The following RALGPS1 variants were observed in gnomAD, a reference collection of about 807,000 sequenced individuals.
RALGPS1 encodes ras-specific guanine nucleotide-releasing factor RalGPS1.
In RALGPS1, 19 loss-of-function variants were observed where a neutral mutation model predicts 78.8. The ratio of observed to expected loss-of-function variants is 0.24; its 90% CI spans 0.17 to 0.35. The LOEUF is 0.35. Among genes scored for constraint, RALGPS1 ranks in the 10% least tolerant of loss-of-function variants. The probability of loss-of-function intolerance (pLI) is 1.00; values close to 1 mark genes in which losing one functional copy is unlikely to be tolerated. For missense variants in RALGPS1, 454 were observed against 688.3 expected, an observed-to-expected ratio of 0.66 and a Z score of 3.81; for synonymous variants, 228 against 256.3, an observed-to-expected ratio of 0.89 and a Z score of 1.06.
chr9:126,929,566 C>G (rs1279608702), intron 1 of RALGPS1, among the ~76,000 whole-genome samples: 1 of 152,046 alleles, frequency 6.6e-6, no homozygotes, highest in Non-Finnish European at 1.5e-5. Context: ...ATTTTCCTGC[C>G]TCAGCCTCCC....
At chr9:127,105,641 C>T (rs2054146224) in intron 8 of RALGPS1, among the ~76,000 whole-genome samples, 4 of 152,226 alleles carry the variant, frequency 2.6e-5, no homozygotes, top group African/African-American at 9.7e-5. Context: ...AGTGATCAGA[C>T]AGCCCAGTTT....
At chr9:127,014,744 G>C (rs2044662570) in intron 4 of RALGPS1, among the ~76,000 whole-genome samples, 1 of 152,036 alleles carries the variant, frequency 6.6e-6, no homozygotes, top group Non-Finnish European at 1.5e-5. Flanking sequence ...GCATCCTCTA[G>C]GCCCATCATT....
chr9:127,173,847 T>G (rs948030106), intron 10 of RALGPS1, among the ~76,000 whole-genome samples: 1 of 152,104 alleles, frequency 6.6e-6, no homozygotes, highest in Admixed American at 6.5e-5. Flanking sequence ...ACCCCACCTC[T>G]ACTAAAAATA....
intron 10 of RALGPS1, among the ~76,000 whole-genome samples, chr9:127,174,230 AAGAC>A (rs1564718659): frequency 2.0e-5 from 3 of 151,792 alleles, no homozygotes; most frequent in Non-Finnish European, 2.9e-5. Flanking sequence ...GAAAGAAAGA[AAGAC>A]AGAGAGAGAG....
At position 126,995,227 on chromosome 9, in the gene RALGPS1, CA is replaced by C. The variant is rs1240267330; in HGVS notation, c.216+17483del. ...GGCTAAATGCTCCAATTAAAAGACA[CA>C]GACTGGCAAATTGGATAAAGAGTCA... On this transcript the variant is annotated intron_variant, in intron 4 of 18. Transcript: ENST00000259351. 2.6e-5 allele frequency among the ~76,000 whole-genome samples: 4 copies of C among 152,138 alleles called. No homozygotes were observed. The South Asian group carries it at 6.2e-4, about 24-fold the overall frequency.
chr9:127,198,868 A>T, intron 13 of RALGPS1, 147 bp from the exon 14 acceptor site: 1 of 738,276 alleles, frequency 1.4e-6, no homozygotes, highest in Non-Finnish European at 2.4e-6. Flanking sequence ...CTCACAGCAA[A>T]AACTCGAGTA....
At chr9:127,130,716 G>A (rs1021538503) in intron 8 of RALGPS1, among the ~76,000 whole-genome samples, 5 of 152,188 alleles carry the variant, frequency 3.3e-5, no homozygotes, top group Admixed American at 6.5e-5. Context: ...TATGAGCTAC[G>A]GTAGATTCTT....
chr9:127,087,056 C>T (rs1183837665), intron 8 of RALGPS1, among the ~76,000 whole-genome samples: 3 of 152,172 alleles, frequency 2.0e-5, no homozygotes, highest in Non-Finnish European at 4.4e-5. Context: ...AAAGGTACGT[C>T]AGGTGTTAAG....
At chr9:127,178,308 C>T (rs1358059319) in intron 11 of RALGPS1, 1 of 372,836 alleles carries the variant, frequency 2.7e-6, no homozygotes, top group South Asian at 3.4e-5. Flanking sequence ...CTCCCCCGAA[C>T]AGAAGTGGCA....
rs936739088 is a variant in RALGPS1, at chr9:127,072,819, C to G, written c.610+3463C>G. Reference sequence around the variant, plus strand: ...TAGAAATTTGTAACAGTTGTAGATTCATTGTGAAGTACTCCGTACAAAGTT... The same window carrying G: ...TAGAAATTTGTAACAGTTGTAGATTGATTGTGAAGTACTCCGTACAAAGTT... On this transcript the variant is annotated intron_variant, in intron 8 of 18. Transcript: ENST00000259351. 2.6e-5 allele frequency among the ~76,000 whole-genome samples: 4 copies of G among 152,264 alleles called. No individual in the cohort carries two copies. The South Asian group carries it at 8.3e-4, about 32-fold the overall frequency.
At chr9:127,014,552 G>A (rs1355663642) in intron 4 of RALGPS1, among the ~76,000 whole-genome samples, 1 of 152,122 alleles carries the variant, frequency 6.6e-6, no homozygotes, top group African/African-American at 2.4e-5. Context: ...AGACTCTTTG[G>A]CTGTGAAATG....
At chr9:127,131,466 G>A (rs545440314) in intron 8 of RALGPS1, among the ~76,000 whole-genome samples, 14 of 152,214 alleles carry the variant, frequency 9.2e-5, no homozygotes, top group Non-Finnish European at 1.5e-4. Context: ...GAGGCCTCCT[G>A]TGTGGATTAC....
intron 1 of RALGPS1, among the ~76,000 whole-genome samples, chr9:126,931,622 G>C (rs2035796059): frequency 6.6e-6 from 1 of 152,180 alleles, no homozygotes; most frequent in Non-Finnish European, 1.5e-5. Context: ...ATGGCAGGGG[G>C]AGTGGGGAGT....
chr9:127,060,328 A>G (rs759679683), intron 7 of RALGPS1, among the ~76,000 whole-genome samples: 2 of 152,224 alleles, frequency 1.3e-5, no homozygotes, highest in Non-Finnish European at 2.9e-5. Context: ...TATGACCTGC[A>G]TTTGTGTGGG....
At chr9:127,032,539 A>G (rs2134581638) in intron 4 of RALGPS1, among the ~76,000 whole-genome samples, 1 of 152,378 alleles carries the variant, frequency 6.6e-6, no homozygotes, top group Non-Finnish European at 1.5e-5. Context: ...ATACTTTTCC[A>G]GGACTGGCTT....
intron 8 of RALGPS1, among the ~76,000 whole-genome samples, chr9:127,163,965 A>AC (rs2059156322): frequency 6.6e-6 from 1 of 152,072 alleles, no homozygotes; most frequent in South Asian, 2.1e-4. Flanking sequence ...TCTCCTTGTC[A>AC]TTGTCTTCAA....
intron 3 of RALGPS1, among the ~76,000 whole-genome samples, chr9:126,975,528 T>A (rs1277021212): frequency 5.3e-5 from 8 of 152,160 alleles, no homozygotes; most frequent in Middle Eastern, 3.2e-3. Flanking sequence ...ATTTCCAAGG[T>A]CCTCTGAGCT....
intron 1 of RALGPS1, among the ~76,000 whole-genome samples, chr9:126,923,469 A>G (rs2034969058): frequency 6.6e-6 from 1 of 152,172 alleles, no homozygotes; most frequent in Admixed American, 6.5e-5. Flanking sequence ...GGTACTTATA[A>G]TAGTTTTTCT....
At chr9:126,953,866 C>G (rs541322601) in intron 1 of RALGPS1, among the ~76,000 whole-genome samples, 2 of 152,166 alleles carry the variant, frequency 1.3e-5, no homozygotes, top group African/African-American at 2.4e-5. Context: ...GGAGTCCTGC[C>G]TATCTTATTT....
Sources: allele counts gnomAD v4.1 joint callset (sites outside exome capture counted in the v4.1 genomes callset), GRCh38; gene constraint gnomAD v4.1.1; transcripts MANE v1.5; gene names NCBI Gene and HGNC (gene_info 2026-07-23, HGNC 2026-07-21).